Variants in AGT observed in about 807,000 individuals in gnomAD.
AGT encodes the protein angiotensinogen.
In AGT, 26 loss-of-function variants were observed where a neutral mutation model predicts 28.1. The observed-to-expected ratio is 0.92, with a 90% CI of 0.68 to 1.28. AGT has a LOEUF of 1.28. Ranked by LOEUF, AGT falls within the 50% of genes most tolerant of loss-of-function variation. AGT has a pLI of 0.00. For synonymous variants in AGT, 259 were observed against 259.6 expected (o/e 1.00, Z 0.02); for missense variants, 596 against 592.3 (o/e 1.01, Z -0.06).
At chr1:230,735,558 G>A (rs763782240) in intron 1 of AGT, among the ~76,000 whole-genome samples, 1 of 152,046 alleles carries the variant, frequency 6.6e-6, no homozygotes, top group Non-Finnish European at 1.5e-5. Flanking sequence ...GCCTGCCCCT[G>A]GTCTTAGCAG....
intron 1 of AGT, among the ~76,000 whole-genome samples, chr1:230,719,817 C>T (rs577648800): frequency 2.6e-5 from 4 of 152,252 alleles, no homozygotes; most frequent in African/African-American, 9.6e-5. Flanking sequence ...TCAACATTAG[C>T]TGACATAATT....
chr1:230,731,951 T>A (rs1664077955), intron 1 of AGT, among the ~76,000 whole-genome samples: 1 of 152,012 alleles, frequency 6.6e-6, no homozygotes, highest in African/African-American at 2.4e-5. Flanking sequence ...GTTCCCTCTA[T>A]CCAGCATCTT....
At chr1:230,741,600 CA>C (rs1664249713) in intron 1 of AGT, among the ~76,000 whole-genome samples, 1 of 152,170 alleles carries the variant, frequency 6.6e-6, no homozygotes, top group Admixed American at 6.5e-5. Flanking sequence ...CCCACTAGGA[CA>C]GGGGTGAAAC....
chr1:230,716,341 G>A (rs1244513474), upstream of AGT, among the ~76,000 whole-genome samples: 1 of 152,186 alleles, frequency 6.6e-6, no homozygotes, highest in Non-Finnish European at 1.5e-5. Context: ...TTCCATCAGT[G>A]GAAGTTTCTT....
intron 1 of AGT, among the ~76,000 whole-genome samples, chr1:230,722,060 G>T (rs2102798515): frequency 6.6e-6 from 1 of 152,244 alleles, no homozygotes; most frequent in African/African-American, 2.4e-5. Flanking sequence ...ATGGTTTTGT[G>T]GGCAGGCCTA....
At chr1:230,738,091 A>G (rs1664185894) in intron 1 of AGT, among the ~76,000 whole-genome samples, 1 of 152,248 alleles carries the variant, frequency 6.6e-6, no homozygotes, top group Non-Finnish European at 1.5e-5. Context: ...TTATTTATCC[A>G]TTCATCAGCT....
At chr1:230,706,960 C>T (rs1198730928) in intron 2 of AGT, among the ~76,000 whole-genome samples, 2 of 152,248 alleles carry the variant, frequency 1.3e-5, no homozygotes, top group Admixed American at 6.5e-5. Flanking sequence ...CCACCCTCCC[C>T]CATCACAGTC....
chr1:230,711,795 A>G lies in AGT; in HGVS notation c.-30-942T>C, dbSNP rs560603168. 6.7e-5 allele frequency among the ~76,000 whole-genome samples: 10 copies of G among 148,330 alleles called. No homozygotes were observed. In the South Asian group the frequency reaches 2.2e-3, roughly 32 times the overall value. The stretch of plus-strand genomic sequence containing the variant: ...TTGCCCAATGATAGTTGGATTCCTT[A>G]GTCTGTGCTGGGACCACGTATAAAA... On this transcript the variant is annotated intron_variant, in intron 1 of 4. Coordinates refer to ENST00000366667, the MANE Select transcript of AGT (RefSeq NM_001384479.1).
At position 230,702,985 on chromosome 1, in the gene AGT, CT is replaced by C; in HGVS notation, c.*155del. 1 of 825,640 alleles carries C rather than the reference CT, an allele frequency of 1.2e-6. No homozygotes were observed. The highest frequency in any genetic ancestry group is 1.9e-6 in the Non-Finnish European group (1 of 535,842). 51.1% of individuals were successfully genotyped at this position (825,640 alleles called of 1,614,324 possible). The stretch of plus-strand genomic sequence containing the variant: ...GCACACTTAGACCAAGGAGAAACGG[CT>C]GCTTTCCAGCTCAAAGTCGACTCAT... On this transcript the variant is annotated 3_prime_UTR_variant, in exon 5 of 5. Transcript: ENST00000366667.
chr1:230,703,257 T>C lies in AGT; in HGVS notation c.1315A>G (p.Lys439Glu), dbSNP rs1000819860. ...AGGGTCACCTCCAAGACCTCAGGCT[T>C]GTTAAGCTGTTGGGTAGACTCTGTG... ...EPTESTQQLN[K>E]PEVLEVTLNR... Residue 439 changes from lysine to glutamate, a missense_variant, in exon 5 of 5, where the codon AAG becomes GAG. Transcript: ENST00000366667. The C allele has an allele frequency of 6.2e-7, 1 of 1,614,146 alleles. No individual in the cohort carries two copies.
rs534321983 is a variant in AGT at position 230,742,138 on chromosome 1, C to T, written c.-31+3377G>A. Among the ~76,000 whole-genome samples, 175 of 152,144 alleles carry T rather than the reference C, an allele frequency of 1.2e-3. 1 individual carries two copies. The highest frequency in any genetic ancestry group is 2.5e-3 in the East Asian group (13 of 5,182). Reference sequence around the variant, plus strand: ...ATATAAAAGGCATATAGAAAAGTCTCCCCACATTCCTCTACCCCCATCTAC... The same window carrying T: ...ATATAAAAGGCATATAGAAAAGTCTTCCCACATTCCTCTACCCCCATCTAC... On this transcript the variant is annotated intron_variant, in intron 1 of 4. Coordinates refer to the AGT transcript ENST00000681269.
At chr1:230,708,336 C>T (rs1389897925) in intron 2 of AGT, among the ~76,000 whole-genome samples, 2 of 152,180 alleles carry the variant, frequency 1.3e-5, no homozygotes, top group Admixed American at 6.5e-5. Flanking sequence ...TTGCCTTTGC[C>T]TTCTGCAGGA....
chr1:230,739,213 T>A (rs75650059), intron 1 of AGT, among the ~76,000 whole-genome samples: 2 of 150,354 alleles, frequency 1.3e-5, no homozygotes, highest in South Asian at 4.2e-4. Context: ...TTTTTTTTTT[T>A]AATTAGCTGG....
chr1:230,712,058 T>C (rs1301536086), intron 1 of AGT, among the ~76,000 whole-genome samples: 1 of 152,188 alleles, frequency 6.6e-6, no homozygotes, highest in East Asian at 1.9e-4. Flanking sequence ...TTTATTCTAT[T>C]GATTCATTCA....
intron 1 of AGT, among the ~76,000 whole-genome samples, chr1:230,721,798 G>T (rs191642495): frequency 2.6e-5 from 4 of 152,338 alleles, no homozygotes; most frequent in South Asian, 2.1e-4. Flanking sequence ...TGAGAGAAAT[G>T]ATCTGAAATA....
rs140775060 is a variant in AGT at position 230,739,948 on chromosome 1, G to A, written c.-31+5567C>T. Among the ~76,000 whole-genome samples the A allele has an allele frequency of 4.6e-5, 7 of 152,302 alleles. No individual in the cohort carries two copies. The East Asian group carries it at 1.2e-3, about 25-fold the overall frequency. ...AGATCGAAAGCAAGTTTATAAAGAC[G>A]TAAAGAAAGAATGGCCACTCCGTAG... On this transcript the variant is annotated intron_variant, in intron 1 of 4. Coordinates refer to the AGT transcript ENST00000681269.
upstream of AGT, among the ~76,000 whole-genome samples, chr1:230,719,383 T>TTATTATTATTATTATTATTATTA (rs1159358719): frequency 5.4e-5 from 8 of 147,724 alleles, no homozygotes; most frequent in Non-Finnish European, 1.2e-4. Context: ...CTTTCTATTT[T>TTATTATTATTATTATTATTATTA]TTATTATTAT....
At chr1:230,719,407 T>TTTTTTTTTTTGTTTGTTTTTG (rs1558291286), upstream of AGT, among the ~76,000 whole-genome samples, 27 of 58,510 alleles carry the variant, frequency 4.6e-4, 1 homozygote, top group African/African-American at 3.5e-3. Flanking sequence ...TATCATTATG[T>TTTTTTTTTTTGTTTGTTTTTG]TTTTTTTTTT....
chr1:230,733,142 G>A (rs1372617663), intron 1 of AGT, among the ~76,000 whole-genome samples: 1 of 151,962 alleles, frequency 6.6e-6, no homozygotes, highest in Non-Finnish European at 1.5e-5. Flanking sequence ...AATTAGCCAG[G>A]CATGGTGGCG....
Sources: allele counts gnomAD v4.1 joint callset (sites outside exome capture counted in the v4.1 genomes callset), GRCh38; gene constraint gnomAD v4.1.1; transcripts MANE v1.5; gene names NCBI Gene and HGNC (gene_info 2026-07-23, HGNC 2026-07-21).